Variants in RAPGEF5 observed in about 807,000 individuals in gnomAD.
The protein encoded by RAPGEF5 is Rap guanine nucleotide exchange factor 5.
A neutral mutation model predicts 125.2 loss-of-function variants in RAPGEF5; 65 were observed. That is an observed-to-expected ratio of 0.52 (90% CI 0.43 to 0.64). The LOEUF is 0.64. RAPGEF5 is among the 30% of genes least tolerant of loss of function. The pLI, the probability that RAPGEF5 is intolerant of heterozygous loss-of-function variation, is 0.00. For missense variants in RAPGEF5, 958 were observed against 1,048.1 expected (o/e 0.91, Z 1.19); for synonymous variants, 391 against 385.9 (o/e 1.01, Z -0.16).
At chr7:22,294,608 C>G (rs1783016806) in intron 5 of RAPGEF5, among the ~76,000 whole-genome samples, 1 of 152,208 alleles carries the variant, frequency 6.6e-6, no homozygotes, top group African/African-American at 2.4e-5. Context: ...TCTTCCTCAC[C>G]TTAATTGATG....
At chr7:22,226,078 C>T (rs1399472566) in intron 8 of RAPGEF5, among the ~76,000 whole-genome samples, 1 of 152,148 alleles carries the variant, frequency 6.6e-6, no homozygotes, top group Non-Finnish European at 1.5e-5. Context: ...TTAAAACATT[C>T]TCTGCATTAT....
At chr7:22,198,684 G>A (rs2128127555) in intron 9 of RAPGEF5, among the ~76,000 whole-genome samples, 1 of 152,288 alleles carries the variant, frequency 6.6e-6, no homozygotes, top group South Asian at 2.1e-4. Context: ...CAACTGGGGA[G>A]GAATCAGCCA....
At chr7:22,286,740 A>G (rs147698191) in intron 6 of RAPGEF5, among the ~76,000 whole-genome samples, 5 of 152,312 alleles carry the variant, frequency 3.3e-5, no homozygotes, top group African/African-American at 1.2e-4. Flanking sequence ...CCCCGTATTT[A>G]CTTTAGGTTT....
intron 11 of RAPGEF5, among the ~76,000 whole-genome samples, chr7:22,170,704 C>T (rs1784322002): frequency 6.6e-6 from 1 of 152,146 alleles, no homozygotes; most frequent in African/African-American, 2.4e-5. Context: ...GCATTCAATT[C>T]AATTAATCAG....
intron 8 of RAPGEF5, 85 bp downstream of exon 8, chr7:22,230,761 C>T: frequency 8.0e-7 from 1 of 1,243,294 alleles, no homozygotes; most frequent in Non-Finnish European, 1.1e-6. Flanking sequence ...AAGGTAAAAC[C>T]TATATCATTT....
chr7:22,311,386 C>T (rs909956250), intron 3 of RAPGEF5, among the ~76,000 whole-genome samples: 6 of 151,976 alleles, frequency 3.9e-5, no homozygotes, highest in South Asian at 2.1e-4. Flanking sequence ...CAAGAGATGC[C>T]GACATTTATT....
At chr7:22,140,593 CTATAATATGTA>C (rs1354843453) in intron 20 of RAPGEF5, among the ~76,000 whole-genome samples, 3 of 152,084 alleles carry the variant, frequency 2.0e-5, no homozygotes, top group Non-Finnish European at 2.9e-5. Flanking sequence ...AAAATAGCTA[CTATAATATGTA>C]TATATTTTAA....
At chr7:22,284,744 C>T (rs1391963321) in intron 6 of RAPGEF5, among the ~76,000 whole-genome samples, 1 of 152,088 alleles carries the variant, frequency 6.6e-6, no homozygotes, top group African/African-American at 2.4e-5. Flanking sequence ...CTGCGATAGT[C>T]TAAGGGAAGG....
chr7:22,211,138 G>A (rs760895005), intron 9 of RAPGEF5, among the ~76,000 whole-genome samples: 1 of 152,098 alleles, frequency 6.6e-6, no homozygotes, highest in Non-Finnish European at 1.5e-5. Context: ...CAACATTTAG[G>A]ACTGCTGGAT....
At position 22,350,071 on chromosome 7, in the gene RAPGEF5, T is replaced by G. The variant is rs190389844; in HGVS notation, c.231+6759A>C. On this transcript the variant is annotated intron_variant, in intron 1 of 25. Transcript: ENST00000665637. ...TATTTTATCTTCATATAAAATCTTA[T>G]GATCTCTCAAAAAGTACTTCCAGAT... 1.6e-4 allele frequency among the ~76,000 whole-genome samples: 24 copies of G among 152,346 alleles called. No individual in the cohort carries two copies. In the East Asian group the frequency reaches 4.6e-3, roughly 29 times the overall value.
chr7:22,150,876 A>G (rs557095803), intron 17 of RAPGEF5, among the ~76,000 whole-genome samples: 41 of 152,370 alleles, frequency 2.7e-4, no homozygotes, highest in African/African-American at 9.4e-4. Context: ...ATAACCATGT[A>G]TATATATACA....
chr7:22,216,652 T>C (rs779349148), intron 9 of RAPGEF5, among the ~76,000 whole-genome samples: 1 of 152,202 alleles, frequency 6.6e-6, no homozygotes, highest in African/African-American at 2.4e-5. Flanking sequence ...ACTATCATAA[T>C]GTTTAGAAGA....
chr7:22,219,705 T>C (rs551871322), intron 9 of RAPGEF5, among the ~76,000 whole-genome samples, 161 bp downstream of exon 9: 11 of 152,184 alleles, frequency 7.2e-5, no homozygotes, highest in Middle Eastern at 3.4e-3. Context: ...CTTAGAGCTA[T>C]GAGCAGCTGT....
At chr7:22,248,836 AG>A (rs1258261604) in intron 7 of RAPGEF5, among the ~76,000 whole-genome samples, 1 of 152,204 alleles carries the variant, frequency 6.6e-6, no homozygotes, top group African/African-American at 2.4e-5. Context: ...AACCTATAAA[AG>A]TAAGATGGCA....
At chr7:22,258,687 C>T (rs1324898919) in intron 7 of RAPGEF5, among the ~76,000 whole-genome samples, 2 of 150,542 alleles carry the variant, frequency 1.3e-5, no homozygotes, top group Non-Finnish European at 3.0e-5. Context: ...AATAGAGAGC[C>T]CATAAATAGA....
At chr7:22,164,431 T>C (rs949470363) in intron 12 of RAPGEF5, among the ~76,000 whole-genome samples, 2 of 152,108 alleles carry the variant, frequency 1.3e-5, no homozygotes, top group Admixed American at 1.3e-4. Context: ...ATCAAGAAAA[T>C]TAAGAAATGC....
chr7:22,152,026 T>C (rs549394165), intron 17 of RAPGEF5, among the ~76,000 whole-genome samples: 2 of 152,306 alleles, frequency 1.3e-5, no homozygotes, highest in East Asian at 3.9e-4. Context: ...CATATTAAAG[T>C]TTATTTCACT....
intron 6 of RAPGEF5, among the ~76,000 whole-genome samples, chr7:22,276,690 G>A (rs2128143788): frequency 6.6e-6 from 1 of 152,344 alleles, no homozygotes; most frequent in Non-Finnish European, 1.5e-5. Context: ...TCTAAAACAA[G>A]AGTAGGAAAT....
At chr7:22,164,319 A>C (rs1784095577) in intron 12 of RAPGEF5, among the ~76,000 whole-genome samples, 1 of 152,208 alleles carries the variant, frequency 6.6e-6, no homozygotes, top group African/African-American at 2.4e-5. Flanking sequence ...TAACAGAGCA[A>C]GACCTGTCTC....
Sources: gnomAD v4.1 joint callset for allele counts (sites outside exome capture counted in the v4.1 genomes callset) on GRCh38, gnomAD v4.1.1 for gene constraint, MANE v1.5 for transcripts, NCBI Gene and HGNC (gene_info 2026-07-23, HGNC 2026-07-21) for gene names.